Variants in CDH12 observed in about 807,000 individuals in gnomAD.
CDH12 encodes the protein cadherin 12.
CDH12 carries 41 observed loss-of-function variants against 74.1 expected under a neutral mutation model. That is an observed-to-expected ratio of 0.55 (90% CI 0.43 to 0.72). The LOEUF (loss-of-function observed/expected upper bound fraction) is 0.72. CDH12 is among the 30% of genes least tolerant of loss of function. CDH12 has a pLI of 0.00. For missense variants in CDH12, 945 were observed against 977.2 expected, an observed-to-expected ratio of 0.97 and a Z score of 0.44; for synonymous variants, 399 against 355.0, an observed-to-expected ratio of 1.12 and a Z score of -1.39.
intron 1 of CDH12, among the ~76,000 whole-genome samples, chr5:22,809,136 C>T (rs948258211): frequency 2.8e-4 from 42 of 150,914 alleles, no homozygotes; most frequent in Non-Finnish European, 4.9e-4. Context: ...CCTACAGTTA[C>T]ATCATTTGAG....
intron 6 of CDH12, among the ~76,000 whole-genome samples, chr5:21,869,967 G>C (rs1751529838): frequency 6.6e-6 from 1 of 152,150 alleles, no homozygotes; most frequent in Non-Finnish European, 1.5e-5. Context: ...CCTGGTGGAA[G>C]AAAACTGAAT....
At position 22,277,537 on chromosome 5, in the gene CDH12, A is replaced by T. The variant is rs186954443; in HGVS notation, c.-332-64894T>A. ...TTTGTGACAGACGTATGTTCTGATT[A>T]AAAAAAAACAACAGGCCAGGCATGG... On this transcript the variant is annotated intron_variant, in intron 3 of 14. Coordinates refer to ENST00000382254, the MANE Select transcript of CDH12 (RefSeq NM_004061.5). Among the ~76,000 whole-genome samples the T allele has an allele frequency of 1.8e-3, 275 of 150,590 alleles. 2 individuals are homozygous for T. The highest frequency in any genetic ancestry group is 6.4e-3 in the African/African-American group (257 of 40,398).
At chr5:21,814,045 T>A (rs34126724) in intron 9 of CDH12, among the ~76,000 whole-genome samples, 11,335 of 152,018 alleles carry the variant, frequency 0.075, 533 homozygotes, top group East Asian at 0.16. Flanking sequence ...ACCTGTTGAA[T>A]GAAGTAGTGA....
intron 5 of CDH12, among the ~76,000 whole-genome samples, chr5:22,006,058 A>T (rs116650747): frequency 0.018 from 2,721 of 152,250 alleles, 40 homozygotes; most frequent in African/African-American, 0.04. Context: ...CTTCTGAGGC[A>T]TCCCACTGAC....
At chr5:21,756,095 A>G (rs1010187812) in intron 13 of CDH12, among the ~76,000 whole-genome samples, 1 of 152,198 alleles carries the variant, frequency 6.6e-6, no homozygotes, top group African/African-American at 2.4e-5. Context: ...GCTTTACAAG[A>G]CAGAAAGTGT....
chr5:22,101,853 T>A (rs1015478891), intron 4 of CDH12, among the ~76,000 whole-genome samples: 2 of 152,138 alleles, frequency 1.3e-5, no homozygotes, highest in Non-Finnish European at 2.9e-5. Flanking sequence ...AAGACCAAAT[T>A]GTACACATTT....
At chr5:22,724,447 T>C (rs943506303) in intron 1 of CDH12, among the ~76,000 whole-genome samples, 29 of 151,974 alleles carry the variant, frequency 1.9e-4, no homozygotes, top group Admixed American at 1.2e-3. Context: ...GGCATACTCA[T>C]AGCTTAGCTC....
rs953816245 is a variant in CDH12 at position 22,171,842 on chromosome 5, C to T, written c.-187+40656G>A. ...GTTTGGTTATATATCACCTGGAAAA[C>T]TTGCTGATCTATCTTTTTAAAGACA... On this transcript the variant is annotated intron_variant, in intron 4 of 14. Coordinates refer to ENST00000382254, the MANE Select transcript of CDH12 (RefSeq NM_004061.5). Among the ~76,000 whole-genome samples the T allele has an allele frequency of 3.8e-4, 58 of 151,964 alleles. 1 individual carries two copies. The highest frequency in any genetic ancestry group is 6.2e-4 in the South Asian group (3 of 4,826).
intron 3 of CDH12, among the ~76,000 whole-genome samples, chr5:22,304,875 C>T (rs1580502554): frequency 1.3e-5 from 2 of 152,156 alleles, no homozygotes; most frequent in Admixed American, 6.5e-5. Context: ...ATAAGGGATG[C>T]CACATCCTGA....
At chr5:22,158,017 T>C (rs2150316517) in intron 4 of CDH12, among the ~76,000 whole-genome samples, 1 of 152,178 alleles carries the variant, frequency 6.6e-6, no homozygotes, top group Admixed American at 6.6e-5. Flanking sequence ...ATTATTACAA[T>C]TCACTATGTG....
chr5:22,805,606 T>C (rs1310411458), intron 1 of CDH12, among the ~76,000 whole-genome samples: 3 of 152,170 alleles, frequency 2.0e-5, no homozygotes, highest in Non-Finnish European at 4.4e-5. Context: ...ATATATTTCA[T>C]AATAGTAATC....
At chr5:22,704,140 A>G (rs1397370140) in intron 1 of CDH12, among the ~76,000 whole-genome samples, 1 of 152,060 alleles carries the variant, frequency 6.6e-6, no homozygotes, top group African/African-American at 2.4e-5. Flanking sequence ...TTCACAGACA[A>G]TTAAATTGTA....
intron 5 of CDH12, among the ~76,000 whole-genome samples, chr5:22,041,650 C>T (rs552844264): frequency 4.0e-5 from 6 of 151,862 alleles, no homozygotes; most frequent in Non-Finnish European, 7.4e-5. Context: ...ATCAGAGTGC[C>T]TAAATATATA....
At chr5:22,099,023 A>T in intron 4 of CDH12, among the ~76,000 whole-genome samples, 1 of 151,894 alleles carries the variant, frequency 6.6e-6, no homozygotes, top group South Asian at 2.1e-4. Flanking sequence ...CCTTCCCTAC[A>T]CATCAAGCTA....
At chr5:22,417,947 G>A (rs1222541753) in intron 2 of CDH12, among the ~76,000 whole-genome samples, 2 of 151,920 alleles carry the variant, frequency 1.3e-5, no homozygotes, top group Non-Finnish European at 2.9e-5. Context: ...CTGGAAATGC[G>A]GGTAATTTAT....
At chr5:22,793,202 T>G (rs13172665) in intron 1 of CDH12, among the ~76,000 whole-genome samples, 2 of 152,218 alleles carry the variant, frequency 1.3e-5, no homozygotes, top group Non-Finnish European at 2.9e-5. Context: ...TATTCCTAAG[T>G]GATCCAATCT....
chr5:21,865,211 T>C (rs988750684), intron 6 of CDH12, among the ~76,000 whole-genome samples: 7 of 152,140 alleles, frequency 4.6e-5, no homozygotes, highest in Middle Eastern at 3.2e-3. Context: ...TTTAAGCCAC[T>C]TGAAGTAAAA....
At chr5:22,276,714 T>C (rs1736650264) in intron 3 of CDH12, among the ~76,000 whole-genome samples, 1 of 152,204 alleles carries the variant, frequency 6.6e-6, no homozygotes, top group Admixed American at 6.5e-5. Context: ...TGAGATGGTG[T>C]CTCATTCTGT....
rs146017872 is a variant in CDH12 at position 22,295,429 on chromosome 5, A to G, written c.-332-82786T>C. The stretch of plus-strand genomic sequence containing the variant: ...GGCATCAATTTGAATCTAAATTGCT[A>G]TAACATTTTTTGGAAAAAAGCCTAC... On this transcript the variant is annotated intron_variant, in intron 3 of 14. Transcript: ENST00000382254. 5.1e-3 allele frequency among the ~76,000 whole-genome samples: 771 copies of G among 152,288 alleles called. 11 individuals are homozygous for G. The highest frequency in any genetic ancestry group is 0.018 in the African/African-American group (731 of 41,574).
Sources: gnomAD v4.1 joint callset for allele counts (sites outside exome capture counted in the v4.1 genomes callset) on GRCh38, gnomAD v4.1.1 for gene constraint, MANE v1.5 for transcripts, NCBI Gene and HGNC (gene_info 2026-07-23, HGNC 2026-07-21) for gene names.